The following MCUB variants were observed in gnomAD, a reference collection of about 807,000 sequenced individuals.
MCUB encodes the protein calcium uniporter regulatory subunit MCUb, mitochondrial.
In MCUB, 46 loss-of-function variants were observed where a neutral mutation model predicts 41.4. That is an observed-to-expected ratio of 1.11 (90% CI 0.88 to 1.42). MCUB has a LOEUF of 1.42. Among genes scored for constraint, MCUB ranks in the 40% most tolerant of loss-of-function variants. The pLI is 0.00. For missense variants in MCUB, 403 were observed against 404.9 expected (o/e 1.00, Z 0.04); for synonymous variants, 148 against 148.2 (o/e 1.00, Z 0.01).
intron 1 of MCUB, among the ~76,000 whole-genome samples, chr4:109,623,008 C>T (rs1209526583): frequency 6.6e-6 from 1 of 152,150 alleles, no homozygotes; most frequent in Non-Finnish European, 1.5e-5. Flanking sequence ...CTCATCTATG[C>T]CTCCTGCTTC....
chr4:109,594,479 A>G (rs1727509296), intron 1 of MCUB, among the ~76,000 whole-genome samples: 2 of 152,186 alleles, frequency 1.3e-5, no homozygotes, highest in African/African-American at 4.8e-5. Context: ...AATATGGTGA[A>G]ACCCCGTCTC....
chr4:109,582,192 C>A (rs1242094253), intron 1 of MCUB, among the ~76,000 whole-genome samples: 60 of 148,218 alleles, frequency 4.0e-4, no homozygotes, highest in African/African-American at 7.8e-4. Flanking sequence ...GAATACTATG[C>A]AGCCATAAAA....
chr4:109,619,892 ACT>A, intron 1 of MCUB, among the ~76,000 whole-genome samples: 1 of 152,302 alleles, frequency 6.6e-6, no homozygotes, highest in Admixed American at 6.5e-5. Context: ...TGAAGTAGGT[ACT>A]GTTATCCCCA....
At chr4:109,625,941 G>A (rs1728350926) in intron 1 of MCUB, among the ~76,000 whole-genome samples, 1 of 152,144 alleles carries the variant, frequency 6.6e-6, no homozygotes, top group Non-Finnish European at 1.5e-5. Context: ...TTTCCTTAAT[G>A]ATTTTTCCTT....
intron 1 of MCUB, among the ~76,000 whole-genome samples, chr4:109,571,195 T>C (rs986550437): frequency 6.6e-6 from 1 of 152,190 alleles, no homozygotes; most frequent in African/African-American, 2.4e-5. Flanking sequence ...TGTGTATGTT[T>C]TTCCTTCTTT....
intron 1 of MCUB, among the ~76,000 whole-genome samples, chr4:109,592,631 A>G (rs946289383): frequency 3.9e-5 from 6 of 152,192 alleles, no homozygotes; most frequent in African/African-American, 9.7e-5. Flanking sequence ...ACTCCAGCCT[A>G]GAATACACAG....
Position 109,598,553 on chromosome 4 carries a change from C to A in MCUB, c.99+38117C>A, listed in dbSNP as rs144793644. 5.9e-3 allele frequency among the ~76,000 whole-genome samples: 892 copies of A among 152,154 alleles called. 30 individuals are homozygous for A. In the South Asian group the frequency reaches 0.073, roughly 12 times the overall value. On this transcript the variant is annotated intron_variant, in intron 1 of 7. Coordinates refer to ENST00000394650, the MANE Select transcript of MCUB (RefSeq NM_017918.5). The stretch of plus-strand genomic sequence containing the variant: ...TGAGCCGAGATGGCAGCAGTACAGT[C>A]CAGCTTCGGCTGGGCATGAGAGGGA...
chr4:109,685,195 A>C (rs2126153228), intron 6 of MCUB, 56 bp from the exon 7 acceptor site: 1 of 738,730 alleles, frequency 1.4e-6, no homozygotes, highest in East Asian at 2.5e-5. Flanking sequence ...TTTCTTGCAG[A>C]GGCATTATGT....
intron 1 of MCUB, among the ~76,000 whole-genome samples, chr4:109,640,814 A>G: frequency 6.6e-6 from 1 of 152,218 alleles, no homozygotes; most frequent in East Asian, 1.9e-4. Context: ...CTGGAGTAGC[A>G]CATTTAACTT....
chr4:109,665,299 T>A (rs906895666), intron 4 of MCUB, among the ~76,000 whole-genome samples: 5 of 152,214 alleles, frequency 3.3e-5, no homozygotes, highest in Admixed American at 3.3e-4. Flanking sequence ...ATTAAAAGTG[T>A]CTTGGGTCTT....
At chr4:109,681,470 C>A in intron 4 of MCUB, 1 of 453,750 alleles carries the variant, frequency 2.2e-6, no homozygotes, top group Non-Finnish European at 4.4e-6. Context: ...CCAGAACTCC[C>A]AAGATGGTCG....
intron 4 of MCUB, among the ~76,000 whole-genome samples, chr4:109,669,801 A>G (rs1729416801): frequency 6.6e-6 from 1 of 151,712 alleles, no homozygotes; most frequent in South Asian, 2.1e-4. Context: ...TGTTTCATCT[A>G]CTAACAAGCC....
intron 1 of MCUB, among the ~76,000 whole-genome samples, chr4:109,633,411 G>A (rs1245522369): frequency 1.3e-5 from 2 of 150,414 alleles, no homozygotes; most frequent in South Asian, 2.1e-4. Context: ...GGGACTACAG[G>A]CATGCACCAC....
At chr4:109,636,037 T>C (rs886387074) in intron 1 of MCUB, among the ~76,000 whole-genome samples, 1 of 152,200 alleles carries the variant, frequency 6.6e-6, no homozygotes, top group Non-Finnish European at 1.5e-5. Flanking sequence ...CTCCCAACAG[T>C]AGTGTACAAA....
At chr4:109,648,642 A>G (rs1728889415) in intron 1 of MCUB, 1 of 445,350 alleles carries the variant, frequency 2.2e-6, no homozygotes, top group Non-Finnish European at 4.5e-6. Flanking sequence ...AGATACATAG[A>G]TCTAGAGGCA....
At chr4:109,651,669 A>G (rs1370166690) in intron 1 of MCUB, among the ~76,000 whole-genome samples, 1 of 152,244 alleles carries the variant, frequency 6.6e-6, no homozygotes, top group Admixed American at 6.5e-5. Context: ...ATTAAAAACC[A>G]TGAATTCACA....
intron 1 of MCUB, among the ~76,000 whole-genome samples, chr4:109,648,058 TTTA>T (rs1728876247): frequency 6.6e-6 from 1 of 152,178 alleles, no homozygotes; most frequent in Non-Finnish European, 1.5e-5. Context: ...GTTGAAAAAG[TTTA>T]TTAATTATAA....
At chr4:109,593,414 C>A (rs776957060) in intron 1 of MCUB, among the ~76,000 whole-genome samples, 3 of 152,134 alleles carry the variant, frequency 2.0e-5, no homozygotes, top group Non-Finnish European at 4.4e-5. Context: ...ACTTTAAGCC[C>A]CACTTGATGC....
intron 1 of MCUB, among the ~76,000 whole-genome samples, chr4:109,589,344 G>A (rs985204846): frequency 6.6e-6 from 1 of 152,140 alleles, no homozygotes. Flanking sequence ...TCTGGCATTT[G>A]TCTCCCCTCT....
Sources: allele counts gnomAD v4.1 joint callset (sites outside exome capture counted in the v4.1 genomes callset), GRCh38; gene constraint gnomAD v4.1.1; transcripts MANE v1.5; gene names NCBI Gene and HGNC (gene_info 2026-07-23, HGNC 2026-07-21).